THSD7A: variants seen among roughly 807,000 people sequenced by gnomAD.
The protein encoded by THSD7A is thrombospondin type-1 domain-containing protein 7A.
A neutral mutation model predicts 231.3 loss-of-function variants in THSD7A; 96 were observed. The ratio of observed to expected loss-of-function variants is 0.41; its 90% CI spans 0.35 to 0.49. The LOEUF is 0.49. Among genes scored for constraint, THSD7A ranks in the 20% least tolerant of loss-of-function variants. THSD7A has a pLI of 0.05. For synonymous variants in THSD7A, 940 were observed against 743.3 expected, an observed-to-expected ratio of 1.26 and a Z score of -4.30; for missense variants, 2,290 against 2,070.2, an observed-to-expected ratio of 1.11 and a Z score of -2.06.
At chr7:11,761,546 A>T (rs1264088687) in intron 1 of THSD7A, among the ~76,000 whole-genome samples, 1 of 152,106 alleles carries the variant, frequency 6.6e-6, no homozygotes, top group East Asian at 1.9e-4. Flanking sequence ...TTGTGTGTGT[A>T]TATATCTACA....
At chr7:11,482,900 A>G (rs1164074646) in intron 6 of THSD7A, among the ~76,000 whole-genome samples, 1 of 152,210 alleles carries the variant, frequency 6.6e-6, no homozygotes, top group African/African-American at 2.4e-5. Context: ...AATGCCAAAA[A>G]CAACCAACAG....
At chr7:11,621,222 C>G (rs1011528308) in intron 2 of THSD7A, among the ~76,000 whole-genome samples, 9 of 152,186 alleles carry the variant, frequency 5.9e-5, no homozygotes, top group African/African-American at 2.2e-4. Flanking sequence ...GTTTCCTAGT[C>G]TGATTTACAG....
chr7:11,551,281 CA>C (rs745614144), intron 4 of THSD7A, among the ~76,000 whole-genome samples: 3 of 151,898 alleles, frequency 2.0e-5, no homozygotes, highest in African/African-American at 4.8e-5. Flanking sequence ...ACATAGGCCC[CA>C]GCAAAGATTT....
At chr7:11,545,600 AGC>A (rs1789346348) in intron 4 of THSD7A, among the ~76,000 whole-genome samples, 2 of 152,120 alleles carry the variant, frequency 1.3e-5, no homozygotes, top group South Asian at 2.1e-4. Context: ...TGGGCTACTG[AGC>A]ATCAAGATCC....
At chr7:11,398,932 C>T (rs1378136255) in intron 23 of THSD7A, among the ~76,000 whole-genome samples, 1 of 152,154 alleles carries the variant, frequency 6.6e-6, no homozygotes, top group Non-Finnish European at 1.5e-5. Context: ...GGTAAACAAG[C>T]TAACTAGATA....
At chr7:11,441,984 T>TA (rs899953186) in intron 13 of THSD7A, among the ~76,000 whole-genome samples, 22 of 151,792 alleles carry the variant, frequency 1.4e-4, no homozygotes, top group African/African-American at 1.9e-4. Context: ...AGTATAATTT[T>TA]AAAAAAAAGC....
intron 1 of THSD7A, among the ~76,000 whole-genome samples, chr7:11,702,740 T>C (rs1177943655): frequency 6.6e-6 from 1 of 151,238 alleles, no homozygotes; most frequent in Admixed American, 6.6e-5. Flanking sequence ...AGTTCTTTCA[T>C]CCTTAAATGA....
chr7:11,796,052 ATATATATATATATATATATATATATT>A (rs1028608760), intron 1 of THSD7A, among the ~76,000 whole-genome samples: 54 of 39,304 alleles, frequency 1.4e-3, no homozygotes, highest in African/African-American at 5.1e-3. Context: ...ATATATATAT[ATATATATATATATATATATATATATT>A]TGGATCAGTA....
At chr7:11,824,256 G>T (rs62435375) in intron 1 of THSD7A, among the ~76,000 whole-genome samples, 1 of 151,954 alleles carries the variant, frequency 6.6e-6, no homozygotes, top group Non-Finnish European at 1.5e-5. Context: ...AATTCTAAGG[G>T]ATCCTGTCCT....
At chr7:11,780,907 C>T (rs1194323390) in intron 1 of THSD7A, among the ~76,000 whole-genome samples, 1 of 137,376 alleles carries the variant, frequency 7.3e-6, no homozygotes, top group African/African-American at 2.7e-5. Context: ...AGGAGAATGG[C>T]GTGAACCCGG....
intron 1 of THSD7A, among the ~76,000 whole-genome samples, chr7:11,789,456 G>A (rs1783884636): frequency 6.6e-6 from 1 of 151,984 alleles, no homozygotes; most frequent in East Asian, 1.9e-4. Context: ...TAGAGAAAAT[G>A]ACACTCGTCC....
In THSD7A at chr7:11,596,027, G is replaced by A. The variant is rs760999181; in HGVS notation, c.1023-2525C>T. Among the ~76,000 whole-genome samples, 26 of 152,278 alleles carry A rather than the reference G, an allele frequency of 1.7e-4. 1 individual carries two copies. In the Middle Eastern group the frequency reaches 0.027, roughly 159 times the overall value. ...AGGCAGAAAACTTCTAGGTCAAATG[G>A]ACAAAAGACATTTGAATTATAAAAA... On this transcript the variant is annotated intron_variant, in intron 2 of 27. Transcript: ENST00000423059.
chr7:11,807,433 T>C (rs1009254364), intron 1 of THSD7A, among the ~76,000 whole-genome samples: 11 of 152,140 alleles, frequency 7.2e-5, no homozygotes, highest in Admixed American at 7.2e-4. Context: ...ATTATTTTTG[T>C]AGTATTAATC....
At chr7:11,666,114 T>C (rs1449798873) in intron 1 of THSD7A, among the ~76,000 whole-genome samples, 1 of 152,094 alleles carries the variant, frequency 6.6e-6, no homozygotes, top group Non-Finnish European at 1.5e-5. Flanking sequence ...TCATGGGCAG[T>C]GCCTGTAGGT....
chr7:11,417,539 C>T lies in THSD7A; in HGVS notation c.3448G>A (p.Glu1150Lys), dbSNP rs1784001917. The T allele has an allele frequency of 1.2e-6, 2 of 1,613,848 alleles. No homozygotes were observed. Among genetic ancestry groups the T allele is most frequent in the Non-Finnish European group, 1.7e-6 (2 of 1,179,800 alleles). The change falls in exon 17 of 28, where the codon GAG becomes AAG. Residue 1150 changes from glutamate (E) to lysine (K), a missense_variant. By Grantham distance (56) the Glu-to-Lys change is moderately conservative. Coordinates refer to ENST00000423059, the MANE Select transcript of THSD7A (RefSeq NM_015204.3). ...HVEDYLCDPE[E>K]MPLGSRVCKL... The stretch of plus-strand genomic sequence containing the variant: ...CACACTCTAGAGCCCAGGGGCATCT[C>T]TTCTGGGTCACAGAGGTAATCCTCT...
Position 11,636,005 on chromosome 7 carries a change from G to C in THSD7A, c.1022+125C>G. The C allele has an allele frequency of 1.2e-6, 1 of 802,466 alleles. No homozygotes were observed. Among genetic ancestry groups the C allele is most frequent in the Non-Finnish European group, 1.9e-6 (1 of 532,042 alleles). The allele number at this position is 802,466 out of a possible 1,614,324, so 49.7% of individuals were successfully genotyped here. A position where few individuals can be genotyped will look rare whatever the true frequency, so the allele number is the denominator to read the frequency against. ...ACACAAGCTCAGAAGCCTTAAATTT[G>C]GGGGTAGCTCATCCTAGGTTGTGCC... On this transcript the variant is annotated intron_variant, in intron 2 of 27. Coordinates refer to ENST00000423059, the MANE Select transcript of THSD7A (RefSeq NM_015204.3). The surrounding 1 kb of genome is among the most constrained non-coding windows in gnomAD (Gnocchi z 10.0).
intron 4 of THSD7A, among the ~76,000 whole-genome samples, chr7:11,555,661 A>G (rs1325695138): frequency 1.3e-5 from 2 of 151,698 alleles, no homozygotes; most frequent in East Asian, 3.9e-4. Context: ...AGGTATTGTC[A>G]TTTCCAACTA....
At chr7:11,439,060 A>T (rs1784722014) in intron 13 of THSD7A, among the ~76,000 whole-genome samples, 1 of 151,920 alleles carries the variant, frequency 6.6e-6, no homozygotes, top group South Asian at 2.1e-4. Flanking sequence ...ATGTGGAATC[A>T]TTTTTTTCAT....
intron 4 of THSD7A, among the ~76,000 whole-genome samples, chr7:11,580,692 T>C (rs188046045): frequency 2.1e-3 from 312 of 152,074 alleles, no homozygotes; most frequent in African/African-American, 7.4e-3. Flanking sequence ...TGAGAACACA[T>C]GGACACATAG....
Sources: allele counts gnomAD v4.1 joint callset (sites outside exome capture counted in the v4.1 genomes callset), GRCh38; gene constraint gnomAD v4.1.1; non-coding constraint Gnocchi (gnomAD v3.1); transcripts MANE v1.5; gene names NCBI Gene and HGNC (gene_info 2026-07-23, HGNC 2026-07-21).